Variants in PBX1 observed in about 807,000 individuals in gnomAD.
The protein encoded by PBX1 is PBX homeobox 1, also known as pre-B-cell leukemia transcription factor 1.
Under a neutral mutation model 53.4 loss-of-function variants are expected in PBX1, and 6 were observed. That is an observed-to-expected ratio of 0.11 (90% CI 0.06 to 0.22). The LOEUF is 0.22. Among genes scored for constraint, PBX1 ranks in the 10% least tolerant of loss-of-function variants. The pLI is 1.00. For missense variants in PBX1, 251 were observed against 551.4 expected (o/e 0.46, Z 5.46); for synonymous variants, 204 against 212.3 (o/e 0.96, Z 0.34).
intron 2 of PBX1, among the ~76,000 whole-genome samples, chr1:164,698,213 G>T (rs1429772508): frequency 1.3e-5 from 2 of 152,148 alleles, no homozygotes; most frequent in Admixed American, 6.6e-5. Context: ...CCCTCGGGTA[G>T]CAGTAGAGGG....
intron 2 of PBX1, among the ~76,000 whole-genome samples, chr1:164,601,488 G>A (rs760545825): frequency 1.1e-4 from 17 of 152,134 alleles, no homozygotes; most frequent in South Asian, 2.1e-4. Flanking sequence ...GGATTTTACC[G>A]TATTCCACTG....
intron 2 of PBX1, among the ~76,000 whole-genome samples, chr1:164,601,565 G>C (rs776462332): frequency 1.3e-5 from 2 of 152,158 alleles, no homozygotes; most frequent in African/African-American, 4.8e-5. Flanking sequence ...GAGGAGGTGG[G>C]AATGAGGGAG....
chr1:164,691,081 C>G (rs1410472966), intron 2 of PBX1, among the ~76,000 whole-genome samples: 1 of 131,760 alleles, frequency 7.6e-6, no homozygotes, highest in East Asian at 2.4e-4. Context: ...GTGGTGCAAT[C>G]TCGGCTCACT....
At chr1:164,707,223 A>C (rs2102063215) in intron 2 of PBX1, among the ~76,000 whole-genome samples, 1 of 152,322 alleles carries the variant, frequency 6.6e-6, no homozygotes, top group East Asian at 1.9e-4. Context: ...CCCTGGCTTA[A>C]ATCTTCCCAA....
intron 8 of PBX1, among the ~76,000 whole-genome samples, chr1:164,841,255 G>A (rs1328951367): frequency 6.6e-6 from 1 of 152,182 alleles, no homozygotes; most frequent in Non-Finnish European, 1.5e-5. Flanking sequence ...TGAGTGAGAT[G>A]TAATTGGAGG....
chr1:164,580,325 C>T lies in PBX1; in HGVS notation c.265+17014C>T, dbSNP rs577389335. 2.6e-3 allele frequency among the ~76,000 whole-genome samples: 399 copies of T among 152,308 alleles called. 1 individual carries two copies. Among genetic ancestry groups the T allele is most frequent in the Non-Finnish European group, 2.9e-3 (199 of 68,034 alleles). ...ATGGAATCTCACTCTGTTGCTCAGG[C>T]TGGAGTGCAGTGGCATGATCTTGGC... On this transcript the variant is annotated intron_variant, in intron 2 of 8. Coordinates refer to ENST00000420696, the MANE Select transcript of PBX1 (RefSeq NM_002585.4).
At chr1:164,684,109 C>G (rs972748854) in intron 2 of PBX1, 2 of 152,172 alleles carry the variant, frequency 1.3e-5, no homozygotes, top group African/African-American at 4.8e-5. Flanking sequence ...TGAGCCACTG[C>G]GCCCAGCCTG....
At chr1:164,794,551 C>T (rs193229718) in intron 3 of PBX1, among the ~76,000 whole-genome samples, 99 of 152,230 alleles carry the variant, frequency 6.5e-4, no homozygotes, top group Middle Eastern at 3.4e-3. Context: ...CAAATGTTCT[C>T]GCCACAGTGT....
chr1:164,761,728 C>G (rs1344167014), intron 2 of PBX1, among the ~76,000 whole-genome samples: 1 of 152,138 alleles, frequency 6.6e-6, no homozygotes, highest in East Asian at 1.9e-4. Flanking sequence ...CAGGCGTGAG[C>G]CACCGCGCCC....
At chr1:164,585,735 C>T (rs1345281037) in intron 2 of PBX1, among the ~76,000 whole-genome samples, 2 of 152,150 alleles carry the variant, frequency 1.3e-5, no homozygotes. Context: ...GCCAAGGCTG[C>T]CATCCTGACT....
chr1:164,621,034 G>A (rs1262732651), intron 2 of PBX1, among the ~76,000 whole-genome samples: 1 of 151,916 alleles, frequency 6.6e-6, no homozygotes, highest in African/African-American at 2.4e-5. Flanking sequence ...CTGTTGCCAA[G>A]CTGGAGTGCA....
chr1:164,693,167 C>CAGCAG (rs1221457403), intron 2 of PBX1, among the ~76,000 whole-genome samples: 9 of 152,214 alleles, frequency 5.9e-5, no homozygotes, highest in African/African-American at 1.7e-4. Flanking sequence ...CTACAAGCAA[C>CAGCAG]AGCAGAGCAG....
intron 8 of PBX1, among the ~76,000 whole-genome samples, chr1:164,836,625 A>G (rs751025445): frequency 6.6e-6 from 1 of 152,156 alleles, no homozygotes; most frequent in East Asian, 1.9e-4. Context: ...GTTCTCGTAC[A>G]TTCTTGTCAA....
chr1:164,724,201 C>T (rs1051693511), intron 2 of PBX1, among the ~76,000 whole-genome samples: 5 of 152,122 alleles, frequency 3.3e-5, no homozygotes, highest in South Asian at 2.1e-4. Flanking sequence ...CCATCAGAAC[C>T]GTTGCTTCTG....
chr1:164,773,698 C>A (rs754451610), intron 2 of PBX1, among the ~76,000 whole-genome samples: 2 of 152,176 alleles, frequency 1.3e-5, no homozygotes, highest in Non-Finnish European at 2.9e-5. Flanking sequence ...TGGGCCATGA[C>A]TCTCTCTTCA....
rs554541938 is a variant in PBX1, at chr1:164,639,997, G to A, written c.265+76686G>A. On this transcript the variant is annotated intron_variant, in intron 2 of 8. Transcript: ENST00000420696. ...ATTAAAAAAAAAAAGAAATCCTATG[G>A]CCTGATGGTATAGACGAAGCCCCTG... Among the ~76,000 whole-genome samples the A allele has an allele frequency of 2.0e-5, 3 of 152,222 alleles. No individual in the cohort carries two copies. The East Asian group carries it at 5.8e-4, about 29-fold the overall frequency.
In PBX1 at chr1:164,846,962, TC is replaced by T; in HGVS notation, c.*289del. 1 of 1,263,066 alleles carries T rather than the reference TC, an allele frequency of 7.9e-7. No homozygotes were observed. Among genetic ancestry groups the T allele is most frequent in the Non-Finnish European group, 1.0e-6 (1 of 998,466 alleles). 78.2% of individuals were successfully genotyped at this position (1,263,066 alleles called of 1,614,324 possible). The stretch of plus-strand genomic sequence containing the variant: ...CTGCCCCTGTGCCTCTGTCCTAGAC[TC>T]CCGGGGTCCCCGCCCTCTCTCATAT... On this transcript the variant is annotated 3_prime_UTR_variant, in exon 9 of 9. Coordinates refer to ENST00000420696, the MANE Select transcript of PBX1 (RefSeq NM_002585.4).
At chr1:164,767,481 A>T (rs1667120483) in intron 2 of PBX1, among the ~76,000 whole-genome samples, 1 of 152,094 alleles carries the variant, frequency 6.6e-6, no homozygotes, top group Non-Finnish European at 1.5e-5. Context: ...AGTGGACAGG[A>T]TATGGATTGG....
intron 2 of PBX1, among the ~76,000 whole-genome samples, chr1:164,707,418 T>TGTGTGTGTGTGTGAGAGAGA (rs58617739): frequency 3.4e-5 from 4 of 118,266 alleles, no homozygotes; most frequent in African/African-American, 1.5e-4. Context: ...TGTGTGTGTG[T>TGTGTGTGTGTGTGAGAGAGA]GAGAGAGAGA....
Sources: allele counts gnomAD v4.1 joint callset (sites outside exome capture counted in the v4.1 genomes callset), GRCh38; gene constraint gnomAD v4.1.1; transcripts MANE v1.5; gene names NCBI Gene and HGNC (gene_info 2026-07-23, HGNC 2026-07-21).